PTPRK: variants seen among roughly 807,000 people sequenced by gnomAD.
PTPRK encodes protein tyrosine phosphatase receptor type K.
PTPRK carries 75 observed loss-of-function variants against 178.0 expected under a neutral mutation model. The observed-to-expected ratio is 0.42, with a 90% CI of 0.35 to 0.51. PTPRK has a LOEUF of 0.51. PTPRK is among the 20% of genes least tolerant of loss of function. The pLI, the probability that PTPRK is intolerant of heterozygous loss-of-function variation, is 0.02. For synonymous variants in PTPRK, 637 were observed against 620.6 expected (o/e 1.03, Z -0.39); for missense variants, 1,441 against 1,797.8 (o/e 0.80, Z 3.59).
intron 2 of PTPRK, among the ~76,000 whole-genome samples, chr6:128,383,712 C>T (rs909375320): frequency 6.6e-6 from 1 of 152,102 alleles, no homozygotes; most frequent in African/African-American, 2.4e-5. Context: ...CAACACTGAA[C>T]GGTGGTATTG....
chr6:128,370,973 C>A (rs147194042), intron 2 of PTPRK, among the ~76,000 whole-genome samples: 82 of 152,216 alleles, frequency 5.4e-4, no homozygotes, highest in African/African-American at 1.9e-3. Flanking sequence ...TTTCACTATA[C>A]TTGAATTCTT....
At chr6:128,233,725 G>A (rs755412114) in intron 5 of PTPRK, among the ~76,000 whole-genome samples, 28 of 152,142 alleles carry the variant, frequency 1.8e-4, no homozygotes, top group Admixed American at 3.9e-4. Context: ...CACCTGCGGC[G>A]ATTACTGACA....
At chr6:128,350,096 A>C (rs961665839) in intron 2 of PTPRK, among the ~76,000 whole-genome samples, 1 of 152,166 alleles carries the variant, frequency 6.6e-6, no homozygotes, top group East Asian at 1.9e-4. Flanking sequence ...GGACTGATAC[A>C]TGCATTCACT....
chr6:127,998,369 G>A (rs993700033), intron 16 of PTPRK, among the ~76,000 whole-genome samples: 16 of 152,162 alleles, frequency 1.1e-4, no homozygotes, highest in Middle Eastern at 3.4e-3. Context: ...TCATTCAAAT[G>A]ATAGAATCTG....
At chr6:128,319,729 G>A (rs139440304) in intron 3 of PTPRK, among the ~76,000 whole-genome samples, 36 of 152,222 alleles carry the variant, frequency 2.4e-4, no homozygotes, top group African/African-American at 8.4e-4. Flanking sequence ...GACTTTGAAA[G>A]CTATCAAAAT....
At chr6:128,449,129 G>T (rs989454906) in intron 1 of PTPRK, among the ~76,000 whole-genome samples, 1 of 152,020 alleles carries the variant, frequency 6.6e-6, no homozygotes, top group Non-Finnish European at 1.5e-5. Flanking sequence ...CAAAGTGCTG[G>T]GATTACAGGC....
intron 3 of PTPRK, among the ~76,000 whole-genome samples, chr6:128,297,065 G>C (rs1472887510): frequency 2.0e-5 from 3 of 151,018 alleles, no homozygotes; most frequent in South Asian, 2.1e-4. Context: ...AAAAGGCAGG[G>C]GTTGCAATCC....
intron 2 of PTPRK, among the ~76,000 whole-genome samples, chr6:128,378,272 T>C (rs969560952): frequency 6.6e-6 from 1 of 152,092 alleles, no homozygotes; most frequent in Non-Finnish European, 1.5e-5. Context: ...ATAACAATTA[T>C]AAATAACAGA....
intron 1 of PTPRK, among the ~76,000 whole-genome samples, chr6:128,453,635 T>C (rs1443153726): frequency 6.6e-6 from 1 of 152,170 alleles, no homozygotes; most frequent in East Asian, 1.9e-4. Context: ...TCGAAAGAAA[T>C]CCATATGCTC....
At chr6:128,346,106 GA>G (rs1430566844) in intron 2 of PTPRK, among the ~76,000 whole-genome samples, 4 of 152,006 alleles carry the variant, frequency 2.6e-5, no homozygotes, top group African/African-American at 4.8e-5. Context: ...TCAGAAGCAG[GA>G]AAGAAAAGAA....
chr6:128,083,587 A>G (rs1785207349), intron 9 of PTPRK, 128 bp downstream of exon 9: 1 of 443,742 alleles, frequency 2.3e-6, no homozygotes. Flanking sequence ...AAATTAAAAC[A>G]AAGGAGAATG....
chr6:128,099,513 C>T (rs1788445993), intron 7 of PTPRK, among the ~76,000 whole-genome samples: 1 of 152,046 alleles, frequency 6.6e-6, no homozygotes. Flanking sequence ...AACACATCAA[C>T]TTAGGTCCTT....
chr6:128,346,807 GAAAAC>G, intron 2 of PTPRK, among the ~76,000 whole-genome samples: 1 of 152,012 alleles, frequency 6.6e-6, no homozygotes, highest in African/African-American at 2.4e-5. Flanking sequence ...GAATATATTG[GAAAAC>G]ATCAGCAAAG....
chr6:128,055,775 G>C (rs1383125123), intron 13 of PTPRK, among the ~76,000 whole-genome samples: 1 of 151,706 alleles, frequency 6.6e-6, no homozygotes, highest in East Asian at 1.9e-4. Flanking sequence ...AATTTTAAAA[G>C]TTATTTTGTA....
chr6:128,313,478 T>G (rs1015921809), intron 3 of PTPRK, among the ~76,000 whole-genome samples: 1 of 152,112 alleles, frequency 6.6e-6, no homozygotes, highest in Non-Finnish European at 1.5e-5. Flanking sequence ...TGCAGAGGTA[T>G]TAAGCAAAGG....
intron 1 of PTPRK, among the ~76,000 whole-genome samples, chr6:128,410,465 C>G (rs1364368565): frequency 1.3e-5 from 2 of 152,092 alleles, no homozygotes; most frequent in Non-Finnish European, 2.9e-5. Flanking sequence ...GTAAAAGAGA[C>G]AAAAACTACT....
chr6:128,191,976 T>C (rs939192341), intron 6 of PTPRK, among the ~76,000 whole-genome samples: 2 of 152,144 alleles, frequency 1.3e-5, no homozygotes, highest in Non-Finnish European at 2.9e-5. Flanking sequence ...CACAGGGAAA[T>C]GGGCATGTGA....
intron 23 of PTPRK, 49 bp downstream of exon 23, chr6:127,983,193 A>T: frequency 7.0e-7 from 1 of 1,437,970 alleles, no homozygotes; most frequent in Non-Finnish European, 9.2e-7. Context: ...CTTTGTTTGC[A>T]AAAAAAATAA....
At chr6:128,276,699 T>C (rs923097692) in intron 3 of PTPRK, among the ~76,000 whole-genome samples, 8 of 152,038 alleles carry the variant, frequency 5.3e-5, no homozygotes, top group Non-Finnish European at 1.2e-4. Flanking sequence ...TGGCTTGATT[T>C]GGGGATAGAT....
Sources: allele counts gnomAD v4.1 joint callset (sites outside exome capture counted in the v4.1 genomes callset), GRCh38; gene constraint gnomAD v4.1.1; transcripts MANE v1.5; gene names NCBI Gene and HGNC (gene_info 2026-07-23, HGNC 2026-07-21).